Variants in TKTL1 observed in about 807,000 individuals in gnomAD.
The protein encoded by TKTL1 is transketolase like 1.
A neutral mutation model predicts 39.3 loss-of-function variants in TKTL1; 1 was observed. That is an observed-to-expected ratio of 0.03 (90% CI 0.01 to 0.12). TKTL1 has a LOEUF of 0.12. Among genes scored for constraint, TKTL1 ranks in the 10% least tolerant of loss-of-function variants. The pLI is 1.00. For missense variants in TKTL1, 575 were observed against 509.6 expected (o/e 1.13, Z -1.24); for synonymous variants, 262 against 193.8 (o/e 1.35, Z -2.92).
chrX:154,296,694 G>T (rs782725558), intron 1 of TKTL1, among the ~76,000 whole-genome samples: 19 of 111,273 alleles, frequency 1.7e-4, no homozygotes, highest in African/African-American at 5.9e-4. Flanking sequence ...TGGCTTCATA[G>T]GATGTTTCAA....
intron 7 of TKTL1, 140 bp from the exon 8 acceptor site, chrX:154,320,617 G>A (rs782453436): frequency 2.9e-5 from 18 of 622,048 alleles, no homozygotes; most frequent in African/African-American, 6.6e-5. Flanking sequence ...TTTGAGGAAA[G>A]AGGGGTGTGG....
chrX:154,308,513 T>C (rs2067332206), intron 2 of TKTL1, among the ~76,000 whole-genome samples: 1 of 111,250 alleles, frequency 9.0e-6, no homozygotes, highest in African/African-American at 3.3e-5. Flanking sequence ...TTTAACAGGC[T>C]CCCCCTTGTG....
intron 7 of TKTL1, among the ~76,000 whole-genome samples, chrX:154,318,702 C>T (rs1441247678): frequency 1.8e-4 from 15 of 84,622 alleles, no homozygotes; most frequent in East Asian, 3.4e-4. Flanking sequence ...AGCGAGCCTC[C>T]GTCTCAAAAA....
chrX:154,325,736 C>T (rs900304089), intron 10 of TKTL1, among the ~76,000 whole-genome samples: 1 of 112,329 alleles, frequency 8.9e-6, no homozygotes, highest in Non-Finnish European at 1.9e-5. Flanking sequence ...CAGAAGCCAG[C>T]GCTTTGGGAG....
At chrX:154,311,453 G>A (rs1267310391) in intron 5 of TKTL1, among the ~76,000 whole-genome samples, 1 of 112,319 alleles carries the variant, frequency 8.9e-6, no homozygotes, top group Admixed American at 9.5e-5. Context: ...GGTGAACAGT[G>A]ATGTGCTGCC....
chrX:154,296,615 G>C (rs1391227211), intron 1 of TKTL1, among the ~76,000 whole-genome samples: 3 of 111,672 alleles, frequency 2.7e-5, no homozygotes, highest in African/African-American at 9.8e-5. Flanking sequence ...GATGGTTTTT[G>C]CATCAGTTTG....
In TKTL1 at chrX:154,327,610, G is replaced by A. The variant is rs1299359221; in HGVS notation, c.1421G>A (p.Ser474Asn). The change falls in exon 11 of 13, where the codon AGT becomes AAT. Residue 474 changes from serine to asparagine, a missense_variant. Transcript: ENST00000369915. ...TACCAGGTCCTCCGCCACTGTGTCA[G>A]TGACAAGGTCACAGTTATTGGAGCT... ...GQAKVLRHCV[S>N]DKVTVIGAGI... The A allele has an allele frequency of 8.3e-7, 1 of 1,208,765 alleles. No individual in the cohort carries two copies. Among genetic ancestry groups the A allele is most frequent in the Non-Finnish European group, 1.1e-6 (1 of 894,326 alleles).
Position 154,295,959 on chromosome X carries a change from C to T in TKTL1, c.100C>T (p.His34Tyr), listed in dbSNP as rs782618468. The T allele has an allele frequency of 9.9e-6, 12 of 1,210,419 alleles. No homozygotes were observed. Among genetic ancestry groups the T allele is most frequent in the Admixed American group, 8.7e-5 (4 of 45,822 alleles). Reference sequence around the variant, plus strand: ...AGATATGGCCAGCCGCTTGCGAATCCATTCCATCAGGGCCACATGCTCCAC... The same window carrying T: ...AGATATGGCCAGCCGCTTGCGAATCTATTCCATCAGGGCCACATGCTCCAC... ...LQDMASRLRI[H>Y]SIRATCSTSS... Residue 34 changes from histidine (H) to tyrosine (Y), a missense_variant, in exon 1 of 13, where the codon CAT becomes TAT. Physicochemically the swap from His to Tyr is moderately conservative, Grantham distance 83. Transcript: ENST00000369915.
At chrX:154,297,218 C>T (rs1343286116) in intron 1 of TKTL1, among the ~76,000 whole-genome samples, 1 of 110,613 alleles carries the variant, frequency 9.0e-6, no homozygotes, top group African/African-American at 3.3e-5. Flanking sequence ...GTTTTTGCAT[C>T]AGTATAAGGG....
At chrX:154,298,211 T>C (rs1170812681) in intron 1 of TKTL1, among the ~76,000 whole-genome samples, 1 of 111,022 alleles carries the variant, frequency 9.0e-6, no homozygotes, top group Non-Finnish European at 1.9e-5. Flanking sequence ...CCACTTTAAC[T>C]TGATTGTACT....
At chrX:154,305,149 C>A (rs782375751) in intron 1 of TKTL1, 155 bp from the exon 2 acceptor site, 4 of 1,175,652 alleles carry the variant, frequency 3.4e-6, no homozygotes, top group Non-Finnish European at 4.6e-6. Flanking sequence ...CTTTAAAGCG[C>A]CCTTCCAACC....
intron 10 of TKTL1, 144 bp downstream of exon 10, chrX:154,325,566 T>C (rs782427525): frequency 9.4e-5 from 47 of 498,607 alleles, no homozygotes; most frequent in Non-Finnish European, 1.4e-4. Context: ...GACCTTTACC[T>C]GCTTTTCCTT....
At position 154,323,093 on chromosome X, in the gene TKTL1, C is replaced by G; in HGVS notation, c.1187-114C>G. 3 of 980,408 alleles carry G rather than the reference C, an allele frequency of 3.1e-6. No individual in the cohort carries two copies. In the South Asian group the frequency reaches 7.1e-5, roughly 23 times the overall value. 80.8% of individuals were successfully genotyped at this position (980,408 alleles called of 1,213,427 possible). A position where few individuals can be genotyped will look rare whatever the true frequency, so the allele number is the denominator to read the frequency against. ...GACCATTTATGGGGCTCTGCTACAG[C>G]TCGGGACACCCCGTGGCAATAGGAA... On this transcript the variant is annotated intron_variant, in intron 8 of 12. Coordinates refer to ENST00000369915, the MANE Select transcript of TKTL1 (RefSeq NM_012253.4).
intron 2 of TKTL1, among the ~76,000 whole-genome samples, chrX:154,307,233 T>G (rs1557167401): frequency 9.0e-6 from 1 of 110,606 alleles, no homozygotes; most frequent in Non-Finnish European, 1.9e-5. Context: ...AAAAGAAAAA[T>G]CTAGACTGTC....
intron 1 of TKTL1, among the ~76,000 whole-genome samples, chrX:154,296,560 A>G (rs1318182665): frequency 2.7e-5 from 3 of 111,372 alleles, no homozygotes; most frequent in Non-Finnish European, 5.7e-5. Flanking sequence ...ACTCCCAGCT[A>G]TTCGGGAGGC....
intron 1 of TKTL1, among the ~76,000 whole-genome samples, chrX:154,303,177 TTTTATTTA>T (rs201017132): frequency 0.18 from 15,842 of 88,635 alleles, 1,703 homozygotes; most frequent in African/African-American, 0.32. Context: ...TTTTTAAAAT[TTTTATTTA>T]TTTATTTATT....
intron 6 of TKTL1, 38 bp downstream of exon 6, chrX:154,312,811 G>A (rs782616418): frequency 7.1e-6 from 8 of 1,128,285 alleles, no homozygotes; most frequent in South Asian, 4.0e-5. Flanking sequence ...AATCAGATAC[G>A]TCAACTGCTT....
Position 154,330,068 on chromosome X carries a change from A to G in TKTL1, c.*380A>G, listed in dbSNP as rs2872817. On this transcript the variant is annotated 3_prime_UTR_variant, in exon 13 of 13. Coordinates refer to ENST00000369915, the MANE Select transcript of TKTL1 (RefSeq NM_012253.4). ...ATAGTTTTTTCAATGTATTTCCTTCATGAGTAAAGAAAATGTGGATTGAAG... is the reference window on the plus strand; with the variant it reads ...ATAGTTTTTTCAATGTATTTCCTTCGTGAGTAAAGAAAATGTGGATTGAAG... The G allele has an allele frequency of 0.23, 30,092 of 128,469 alleles. 2,732 individuals are homozygous for G. The highest frequency in any genetic ancestry group is 0.57 in the South Asian group (2,012 of 3,500). 10.6% of individuals were successfully genotyped at this position (128,469 alleles called of 1,213,427 possible).
chrX:154,313,319 C>G (rs1416212286), intron 6 of TKTL1, among the ~76,000 whole-genome samples: 1 of 112,093 alleles, frequency 8.9e-6, no homozygotes, highest in Non-Finnish European at 1.9e-5. Flanking sequence ...CACAGAGGAG[C>G]AGGCCAATTC....
Sources: gnomAD v4.1 joint callset for allele counts (sites outside exome capture counted in the v4.1 genomes callset) on GRCh38, gnomAD v4.1.1 for gene constraint, MANE v1.5 for transcripts, NCBI Gene and HGNC (gene_info 2026-07-23, HGNC 2026-07-21) for gene names.